RNF216: variants seen among roughly 807,000 people sequenced by gnomAD.
RNF216 encodes the protein E3 ubiquitin-protein ligase RNF216.
A neutral mutation model predicts 110.8 loss-of-function variants in RNF216; 72 were observed. The ratio of observed to expected loss-of-function variants is 0.65; its 90% CI spans 0.54 to 0.79. The LOEUF (loss-of-function observed/expected upper bound fraction) is 0.79. Among genes scored for constraint, RNF216 ranks in the 30% least tolerant of loss-of-function variants. The pLI is 0.00. For synonymous variants in RNF216, 495 were observed against 407.5 expected, an observed-to-expected ratio of 1.21 and a Z score of -2.59; for missense variants, 1,342 against 1,141.2, an observed-to-expected ratio of 1.18 and a Z score of -2.54.
chr7:5,765,214 G>C (rs1207912216), intron 1 of RNF216, among the ~76,000 whole-genome samples: 1 of 151,458 alleles, frequency 6.6e-6, no homozygotes, highest in Non-Finnish European at 1.5e-5. Flanking sequence ...TTAATCCCAG[G>C]ACTTCGGGAG....
chr7:5,634,147 A>G (rs879881694), intron 15 of RNF216, among the ~76,000 whole-genome samples: 2 of 152,086 alleles, frequency 1.3e-5, no homozygotes, highest in Admixed American at 1.3e-4. Context: ...TTTTTCCAAC[A>G]CTTCTGGTCC....
intron 8 of RNF216, among the ~76,000 whole-genome samples, chr7:5,723,375 G>C (rs1319339329): frequency 6.6e-6 from 1 of 152,132 alleles, no homozygotes; most frequent in East Asian, 1.9e-4. Context: ...TTGGCCGGGT[G>C]CGGTGGCTCA....
Position 5,712,867 on chromosome 7 carries a change from GA to G in RNF216, c.1834-5del, listed in dbSNP as rs1287564864. On this transcript the variant is annotated splice_polypyrimidine_tract_variant and splice_region_variant and intron_variant, in intron 11 of 16. Coordinates refer to ENST00000389902, the MANE Select transcript of RNF216 (RefSeq NM_207111.4). The stretch of plus-strand genomic sequence containing the variant: ...CTTCCATGCAGCTGAGCTCCAACTA[GA>G]AAAAGGCGAAAAGGCAAAGAAAAAA... 2 of 1,592,842 alleles carry G rather than the reference GA, an allele frequency of 1.3e-6. No homozygotes were observed. Among genetic ancestry groups the G allele is most frequent in the Admixed American group, 1.8e-5 (1 of 54,110 alleles).
chr7:5,646,554 G>T (rs890667655), intron 14 of RNF216, among the ~76,000 whole-genome samples: 4 of 151,818 alleles, frequency 2.6e-5, no homozygotes, highest in Non-Finnish European at 4.4e-5. Context: ...TTAGCTGGGT[G>T]TGGTGGCACA....
intron 1 of RNF216, among the ~76,000 whole-genome samples, chr7:5,775,799 G>A (rs990741959): frequency 6.6e-6 from 1 of 151,670 alleles, no homozygotes; most frequent in African/African-American, 2.4e-5. Flanking sequence ...AACCCGGGAT[G>A]CAAAGCTTGC....
At chr7:5,629,902 CTCA>C (rs941364425) in intron 15 of RNF216, among the ~76,000 whole-genome samples, 1 of 151,772 alleles carries the variant, frequency 6.6e-6, no homozygotes, top group Non-Finnish European at 1.5e-5. Context: ...GGCCTAGTCC[CTCA>C]TAAGATACTT....
chr7:5,765,124 TAAGA>T (rs1796135685), intron 1 of RNF216, among the ~76,000 whole-genome samples: 2 of 147,094 alleles, frequency 1.4e-5, no homozygotes, highest in Non-Finnish European at 3.0e-5. Context: ...ATTCAAAGAC[TAAGA>T]GAGTTTACCT....
At chr7:5,779,194 C>A (rs1249060672) in intron 1 of RNF216, among the ~76,000 whole-genome samples, 1 of 152,202 alleles carries the variant, frequency 6.6e-6, no homozygotes, top group Non-Finnish European at 1.5e-5. Flanking sequence ...AATACCAGCT[C>A]TCTCAACTAT....
intron 8 of RNF216, among the ~76,000 whole-genome samples, chr7:5,724,394 A>G (rs541789097): frequency 7.7e-4 from 117 of 152,318 alleles, no homozygotes; most frequent in Middle Eastern, 3.4e-3. Context: ...ATCTTGCAAA[A>G]TAGCACTTTC....
intron 1 of RNF216, among the ~76,000 whole-genome samples, chr7:5,772,775 CTTTTTTT>C (rs34504327): frequency 0.048 from 6,359 of 133,560 alleles, 169 homozygotes; most frequent in Middle Eastern, 0.075. Flanking sequence ...AAAGATATTC[CTTTTTTT>C]TTTTTTTTTT....
chr7:5,723,814 G>C (rs1198699394), intron 8 of RNF216, among the ~76,000 whole-genome samples: 2 of 152,074 alleles, frequency 1.3e-5, no homozygotes, highest in Non-Finnish European at 1.5e-5. Flanking sequence ...AAACTGAAAA[G>C]GAGAAAAATG....
chr7:5,736,928 C>T (rs1461341224), intron 5 of RNF216, among the ~76,000 whole-genome samples: 13 of 151,972 alleles, frequency 8.6e-5, no homozygotes, highest in African/African-American at 2.2e-4. Flanking sequence ...GCCCGGCAGC[C>T]GCCCCGTCCG....
At chr7:5,746,974 C>T (rs192931984) in intron 3 of RNF216, among the ~76,000 whole-genome samples, 206 of 152,240 alleles carry the variant, frequency 1.4e-3, no homozygotes, top group African/African-American at 4.9e-3. Context: ...AGATTAACTG[C>T]AAAAAGCTAA....
rs201947043 is a variant in RNF216, at chr7:5,623,600, C to CT, written c.2453-422dup. On this transcript the variant is annotated intron_variant, in intron 16 of 16. Transcript: ENST00000389902. ...AGATGTGAGCCACTGCACTTAGCCT[C>CT]TTTTTTTTAAAGAAAAACAGATGGG... Among the ~76,000 whole-genome samples the CT allele has an allele frequency of 9.7e-3, 1,470 of 151,868 alleles. 8 individuals carry two copies. Among genetic ancestry groups the CT allele is most frequent in the Non-Finnish European group, 0.013 (899 of 67,946 alleles).
At chr7:5,659,924 C>A (rs852514) in intron 13 of RNF216, among the ~76,000 whole-genome samples, 4,995 of 148,734 alleles carry the variant, frequency 0.034, 112 homozygotes, top group Non-Finnish European at 0.047. Context: ...TATTACTATT[C>A]TTCTTAATAT....
intron 3 of RNF216, 22 bp downstream of exon 3, chr7:5,752,824 T>C: frequency 6.2e-7 from 1 of 1,606,712 alleles, no homozygotes; most frequent in Non-Finnish European, 8.5e-7. Context: ...AATGTCTCAT[T>C]GTAAGTTTAA....
chr7:5,685,567 T>C (rs1324992223), intron 13 of RNF216, among the ~76,000 whole-genome samples: 1 of 152,202 alleles, frequency 6.6e-6, no homozygotes, highest in East Asian at 1.9e-4. Flanking sequence ...CTTTTTCCTC[T>C]TTCCTCAGCA....
intron 13 of RNF216, among the ~76,000 whole-genome samples, chr7:5,691,619 C>T (rs988473710): frequency 1.3e-5 from 2 of 152,156 alleles, no homozygotes; most frequent in African/African-American, 4.8e-5. Context: ...TCCTTAGGGG[C>T]AACATGTATG....
chr7:5,746,456 GCTAA>G (rs1795035197), intron 3 of RNF216, among the ~76,000 whole-genome samples: 1 of 152,164 alleles, frequency 6.6e-6, no homozygotes, highest in African/African-American at 2.4e-5. Flanking sequence ...CAGTTTTAAA[GCTAA>G]CTGATACCAG....
Sources: allele counts gnomAD v4.1 joint callset (sites outside exome capture counted in the v4.1 genomes callset), GRCh38; gene constraint gnomAD v4.1.1; transcripts MANE v1.5; gene names NCBI Gene and HGNC (gene_info 2026-07-23, HGNC 2026-07-21).